Variants in RINT1 observed in about 807,000 individuals in gnomAD.
RINT1 encodes the protein RAD50 interactor 1, also known as RAD50-interacting protein 1.
Under a neutral mutation model 97.7 loss-of-function variants are expected in RINT1, and 75 were observed. That is an observed-to-expected ratio of 0.77 (90% CI 0.64 to 0.93). The LOEUF is 0.93. Ranked by LOEUF, RINT1 falls within the 40% of genes least tolerant of loss-of-function variation. RINT1 has a pLI of 0.00. For synonymous variants in RINT1, 303 were observed against 326.3 expected, an observed-to-expected ratio of 0.93 and a Z score of 0.77; for missense variants, 892 against 925.2, an observed-to-expected ratio of 0.96 and a Z score of 0.47.
intron 4 of RINT1, among the ~76,000 whole-genome samples, chr7:105,546,222 C>G (rs149291598): frequency 3.7e-4 from 57 of 152,302 alleles, no homozygotes; most frequent in African/African-American, 1.3e-3. Flanking sequence ...CCAGATACTA[C>G]CACATTATTC....
chr7:105,563,667 T>C, intron 11 of RINT1, 66 bp from the exon 12 acceptor site: 4 of 1,302,206 alleles, frequency 3.1e-6, no homozygotes, highest in Non-Finnish European at 4.4e-6. Flanking sequence ...TTGTATGACA[T>C]ATGAATTCTA....
chr7:105,545,508 A>G (rs1790627010), intron 4 of RINT1, among the ~76,000 whole-genome samples: 1 of 147,188 alleles, frequency 6.8e-6, no homozygotes, highest in African/African-American at 2.5e-5. Context: ...TTCTTCTGTA[A>G]TATTTGTATA....
Position 105,548,705 on chromosome 7 carries a change from A to T in RINT1, c.991A>T (p.Ser331Cys). 1 of 1,605,358 alleles carries T rather than the reference A, an allele frequency of 6.2e-7. No homozygotes were observed. ...FRGNRQTNVL[S>C]KPEWYLAQVL... ...AGGGAACCGGCAGACTAATGTGTTA[A>T]GCAAGGTGTGTTTTGCCAGCTCTTG... is the stretch of plus-strand genomic sequence containing the variant. Residue 331 changes from serine (S) to cysteine (C), a missense_variant, in exon 7 of 15, where the codon AGC (serine) becomes TGC (cysteine). By Grantham distance (112) the Ser-to-Cys change is moderately radical. Transcript: ENST00000257700.
intron 11 of RINT1, among the ~76,000 whole-genome samples, chr7:105,559,561 A>AG (rs1791344186): frequency 6.7e-6 from 1 of 150,124 alleles, no homozygotes; most frequent in Non-Finnish European, 1.5e-5. Context: ...AAAAAAAAAA[A>AG]AAAAAAAGAA....
Position 105,542,439 on chromosome 7 carries a change from G to C in RINT1, c.305G>C (p.Arg102Thr). The C allele has an allele frequency of 6.2e-7, 1 of 1,611,166 alleles. No homozygotes were observed. The highest frequency in any genetic ancestry group is 8.5e-7 in the Non-Finnish European group (1 of 1,177,680). ...VLTISSEIPK[R>T]IRSALKNAEE... ...ACAATTTCATCAGAAATTCCTAAAA[G>C]AATTCGAAGTGCCTTAAAAAATGCA... The change falls in exon 4 of 15, where the codon AGA becomes ACA. Residue 102 changes from arginine to threonine, a missense_variant. Coordinates refer to ENST00000257700, the MANE Select transcript of RINT1 (RefSeq NM_021930.6).
intron 11 of RINT1, among the ~76,000 whole-genome samples, chr7:105,560,378 G>T (rs188468518): frequency 2.0e-5 from 3 of 152,214 alleles, no homozygotes; most frequent in African/African-American, 7.2e-5. Flanking sequence ...GAAAATTGGG[G>T]TACTGTTAAA....
In RINT1 at chr7:105,555,190, A is replaced by T. The variant is rs973997596; in HGVS notation, c.1634A>T (p.Tyr545Phe). Residue 545 changes from tyrosine to phenylalanine, a missense_variant, in exon 11 of 15, where the codon TAC becomes TTC. Coordinates refer to ENST00000257700, the MANE Select transcript of RINT1 (RefSeq NM_021930.6). ...RYCAILNAVN[Y>F]ISTVLADWAD... is the part of the protein sequence containing the mutation. Reference sequence around the variant, plus strand: ...TGTGCAATTCTTAATGCTGTGAACTACATCTCAACAGTACTAGCAGATTGG... The same window carrying T: ...TGTGCAATTCTTAATGCTGTGAACTTCATCTCAACAGTACTAGCAGATTGG... The T allele has an allele frequency of 7.4e-6, 12 of 1,614,066 alleles. No homozygotes were observed. Among genetic ancestry groups the T allele is most frequent in the Non-Finnish European group, 1.0e-5 (12 of 1,179,998 alleles).
At chr7:105,552,333 A>G (rs1790963463) in intron 10 of RINT1, among the ~76,000 whole-genome samples, 1 of 152,190 alleles carries the variant, frequency 6.6e-6, no homozygotes, top group South Asian at 2.1e-4. Context: ...TGATTGGCCT[A>G]TATTTTAAAT....
At chr7:105,540,050 A>G (rs1386910146) in intron 3 of RINT1, among the ~76,000 whole-genome samples, 1 of 151,926 alleles carries the variant, frequency 6.6e-6, no homozygotes, top group Non-Finnish European at 1.5e-5. Flanking sequence ...ACATACTATA[A>G]GAAAAATTCA....
At chr7:105,546,700 C>T (rs1260591837) in intron 4 of RINT1, among the ~76,000 whole-genome samples, 1 of 151,984 alleles carries the variant, frequency 6.6e-6, no homozygotes, top group Non-Finnish European at 1.5e-5. Context: ...ATGGTGAAAC[C>T]CTGTCTCTAC....
intron 3 of RINT1, 41 bp downstream of exon 3, chr7:105,536,790 C>G: frequency 8.3e-7 from 1 of 1,211,936 alleles, no homozygotes; most frequent in Non-Finnish European, 1.1e-6. Context: ...CAGTGGAATA[C>G]TTTTAACAAT....
chr7:105,532,451 T>G lies in RINT1; in HGVS notation c.42+94T>G. 4 of 1,379,988 alleles carry G rather than the reference T, an allele frequency of 2.9e-6. No individual in the cohort carries two copies. In the South Asian group the frequency reaches 5.0e-5, roughly 17 times the overall value. The allele number at this position is 1,379,988 out of a possible 1,614,324, so 85.5% of individuals were successfully genotyped here. ...GGAGATAGTCCCGGTGCGGTGGCCCTGTAAGCTTGTGAAGGTGCTTCCTGC... is the reference window on the plus strand; with the variant it reads ...GGAGATAGTCCCGGTGCGGTGGCCCGGTAAGCTTGTGAAGGTGCTTCCTGC... On this transcript the variant is annotated intron_variant, in intron 1 of 14. Transcript: ENST00000257700.
chr7:105,554,797 A>C (rs1791102979), intron 10 of RINT1, among the ~76,000 whole-genome samples: 1 of 152,192 alleles, frequency 6.6e-6, no homozygotes. Context: ...CTTGAGGTAT[A>C]GTTTACATAC....
chr7:105,542,702 T>TG, intron 4 of RINT1, 53 bp downstream of exon 4: 1 of 1,571,856 alleles, frequency 6.4e-7, no homozygotes. Flanking sequence ...GAGGCTTCTG[T>TG]CTTAGAGAGT....
intron 11 of RINT1, 30 bp downstream of exon 11, chr7:105,555,257 TA>T: frequency 1.3e-6 from 2 of 1,542,516 alleles, no homozygotes; most frequent in Non-Finnish European, 1.8e-6. Context: ...TATTAAGTAA[TA>T]TATACTAGTT....
intron 6 of RINT1, 73 bp from the exon 7 acceptor site, chr7:105,548,481 G>A: frequency 1.4e-6 from 2 of 1,391,924 alleles, no homozygotes; most frequent in Non-Finnish European, 1.0e-6. Flanking sequence ...AATTTATTGT[G>A]TGTGTATACA....
At chr7:105,548,324 T>C (rs1790767726) in intron 6 of RINT1, among the ~76,000 whole-genome samples, 1 of 152,182 alleles carries the variant, frequency 6.6e-6, no homozygotes, top group East Asian at 1.9e-4. Flanking sequence ...CATGATTCAC[T>C]ATCATCATGC....
intron 3 of RINT1, among the ~76,000 whole-genome samples, chr7:105,538,342 G>T (rs1008018222): frequency 1.1e-4 from 16 of 152,270 alleles, no homozygotes; most frequent in Non-Finnish European, 1.2e-4. Flanking sequence ...AGTAAATTCT[G>T]TGTGGGTTAT....
chr7:105,547,387 T>A (rs951452889), intron 6 of RINT1, 54 bp downstream of exon 6: 4 of 1,580,980 alleles, frequency 2.5e-6, no homozygotes, highest in Non-Finnish European at 3.5e-6. Context: ...TAGAATGGGT[T>A]TGTGGCTAGA....
Sources: allele counts gnomAD v4.1 joint callset (sites outside exome capture counted in the v4.1 genomes callset), GRCh38; gene constraint gnomAD v4.1.1; transcripts MANE v1.5; gene names NCBI Gene and HGNC (gene_info 2026-07-23, HGNC 2026-07-21).